The following MYOF variants were observed in gnomAD, a reference collection of about 807,000 sequenced individuals.
MYOF encodes myoferlin.
In MYOF, 244 loss-of-function variants were observed where a neutral mutation model predicts 284.2. The ratio of observed to expected loss-of-function variants is 0.86; its 90% confidence interval spans 0.77 to 0.95. MYOF has a LOEUF of 0.95. MYOF is among the 40% of genes least tolerant of loss of function. MYOF has a pLI of 0.00. For missense variants in MYOF, 2,496 were observed against 2,560.6 expected, an observed-to-expected ratio of 0.97 and a Z score of 0.54; for synonymous variants, 904 against 919.7, an observed-to-expected ratio of 0.98 and a Z score of 0.31.
chr10:93,367,102 C>A (rs1324403471), intron 25 of MYOF, among the ~76,000 whole-genome samples: 1 of 152,164 alleles, frequency 6.6e-6, no homozygotes, highest in African/African-American at 2.4e-5. Flanking sequence ...CTTTAATACC[C>A]AGCCCTTATT....
intron 5 of MYOF, among the ~76,000 whole-genome samples, chr10:93,422,522 C>A (rs758107750): frequency 6.6e-6 from 1 of 152,292 alleles, no homozygotes; most frequent in East Asian, 1.9e-4. Flanking sequence ...TGGGGCCAGG[C>A]GTGGTGGCTC....
At chr10:93,368,157 C>G (rs1845414532) in intron 25 of MYOF, among the ~76,000 whole-genome samples, 1 of 152,152 alleles carries the variant, frequency 6.6e-6, no homozygotes, top group African/African-American at 2.4e-5. Flanking sequence ...CTCTCCTTAC[C>G]TATGCCATGA....
rs937675904 is a variant in MYOF at position 93,349,727 on chromosome 10, C to G, written c.4083+81G>C. On this transcript the variant is annotated intron_variant, in intron 36 of 53. Coordinates refer to ENST00000359263, the MANE Select transcript of MYOF (RefSeq NM_013451.4). ...ATTTGTCAGGTTTTGGAAATAAACT[C>G]TGTGTTTGTGTGTGTGTGTGTGAGG... 15 of 1,469,694 alleles carry G rather than the reference C, an allele frequency of 1.0e-5. No homozygotes were observed. In the Admixed American group the frequency reaches 1.4e-4, roughly 14 times the overall value. The allele number at this position is 1,469,694 out of a possible 1,614,324, so 91.0% of individuals were successfully genotyped here. A position where few individuals can be genotyped will look rare whatever the true frequency, so the allele number is the denominator to read the frequency against.
intron 6 of MYOF, 36 bp downstream of exon 6, chr10:93,409,537 A>G (rs368842923): frequency 1.2e-6 from 2 of 1,602,952 alleles, no homozygotes; most frequent in Non-Finnish European, 1.7e-6. Context: ...CAATATAAAG[A>G]TTAAACAAAG....
In MYOF at chr10:93,374,927, C is replaced by T. The variant is rs1378801121; in HGVS notation, c.2137G>A (p.Ala713Thr). ...TGAGTATCGAGAACTGTGACGTTGG[C>T]TTTTCCTTCTGTGAGAGGCAACGTG... is the stretch of plus-strand genomic sequence containing the variant. ...RYTLPLTEGK[A>T]NVTVLDTQIR... Residue 713 changes from alanine (A) to threonine (T), a missense_variant, in exon 23 of 54, where the codon GCC (alanine) becomes ACC (threonine). Physicochemically the swap from Ala to Thr is moderately conservative, Grantham distance 58. This residue lies in a region of MYOF where 2,436 missense variants were observed against 2,480.7 expected (regional missense o/e 0.98). Transcript: ENST00000359263. 2 of 1,613,566 alleles carry T rather than the reference C, an allele frequency of 1.2e-6. No individual in the cohort carries two copies. The highest frequency in any genetic ancestry group is 2.2e-5 in the South Asian group (2 of 90,874).
chr10:93,411,513 A>G (rs1847899415), intron 5 of MYOF, among the ~76,000 whole-genome samples: 1 of 152,166 alleles, frequency 6.6e-6, no homozygotes, highest in African/African-American at 2.4e-5. Flanking sequence ...GAGGGACACA[A>G]CCATTCAGAC....
chr10:93,365,398 C>A lies in MYOF; in HGVS notation c.2753+994G>T, dbSNP rs569331058. 2.4e-4 allele frequency among the ~76,000 whole-genome samples: 37 copies of A among 152,322 alleles called. 1 individual carries two copies. The highest frequency in any genetic ancestry group is 8.4e-4 in the African/African-American group (35 of 41,566). On this transcript the variant is annotated intron_variant, in intron 26 of 53. Transcript: ENST00000359263. ...GACTCCAGGGGAACCATCTTTACCA[C>A]CTTCTACTGTTTATTTTTTTCTTTC... is the stretch of plus-strand genomic sequence containing the variant.
rs571580617 is a variant in MYOF at position 93,371,387 on chromosome 10, C to A, written c.2457+1543G>T. Among the ~76,000 whole-genome samples, 7 of 152,252 alleles carry A rather than the reference C, an allele frequency of 4.6e-5. No homozygotes were observed. The South Asian group carries it at 1.4e-3, about 31-fold the overall frequency. ...ACTACATATCTATGTGACGCCAGAT[C>A]CTTATCATATACTTCAACCAAATAA... is the stretch of plus-strand genomic sequence containing the variant. On this transcript the variant is annotated intron_variant, in intron 24 of 53. Coordinates refer to ENST00000359263, the MANE Select transcript of MYOF (RefSeq NM_013451.4).
chr10:93,402,168 A>G (rs1847325644), intron 11 of MYOF, 64 bp downstream of exon 11: 4 of 1,330,028 alleles, frequency 3.0e-6, no homozygotes, highest in Admixed American at 3.4e-5. Flanking sequence ...CCATGCCCAC[A>G]TGCTTAACTC....
chr10:93,333,614 A>G, intron 42 of MYOF, 144 bp downstream of exon 42: 1 of 1,143,940 alleles, frequency 8.7e-7, no homozygotes, highest in East Asian at 2.5e-5. Flanking sequence ...CCATGGGGAC[A>G]ATCCTCCTGA....
In MYOF at chr10:93,430,033, C is replaced by A. The variant is rs112644717; in HGVS notation, c.345+1375G>T. Among the ~76,000 whole-genome samples, 635 of 151,268 alleles carry A rather than the reference C, an allele frequency of 4.2e-3. 3 individuals carry two copies. Among genetic ancestry groups the A allele is most frequent in the Middle Eastern group, 0.017 (5 of 292 alleles). ...CACTGCAACCTCGGCCTCCTGGATTCGAGCGATTCTTCTGCCTCAGCCTCC... is the reference window on the plus strand; with the variant it reads ...CACTGCAACCTCGGCCTCCTGGATTAGAGCGATTCTTCTGCCTCAGCCTCC... On this transcript the variant is annotated intron_variant, in intron 4 of 53. Transcript: ENST00000359263.
intron 29 of MYOF, among the ~76,000 whole-genome samples, 196 bp from the exon 30 acceptor site, chr10:93,357,044 A>G (rs1428954026): frequency 1.3e-5 from 2 of 152,246 alleles, no homozygotes; most frequent in Non-Finnish European, 2.9e-5. Flanking sequence ...GATGGACTGC[A>G]GGAGTGCAGA....
chr10:93,319,906 A>T lies in MYOF; in HGVS notation c.5564T>A (p.Leu1855His). The T allele has an allele frequency of 6.2e-7, 1 of 1,614,188 alleles. No individual in the cohort carries two copies. The highest frequency in any genetic ancestry group is 8.5e-7 in the Non-Finnish European group (1 of 1,180,034). ...AACGATACAGAGTTGTTCGGCTGGA[A>T]GGTAGTCAAACGGGAAAACAAATCG... ...NWRFVFPFDY[L>H]PAEQLCIVAK... Residue 1855 changes from leucine to histidine, a missense_variant, in exon 49 of 54, where the codon CTT becomes CAT. This residue lies in a region of MYOF where 2,436 missense variants were observed against 2,480.7 expected (regional missense o/e 0.98). Coordinates refer to ENST00000359263, the MANE Select transcript of MYOF (RefSeq NM_013451.4).
intron 48 of MYOF, among the ~76,000 whole-genome samples, chr10:93,322,536 TTAGGCAAGTAAGAGAATATTGAAC>T (rs1390008925): frequency 1.3e-5 from 2 of 152,260 alleles, no homozygotes; most frequent in Non-Finnish European, 2.9e-5. Flanking sequence ...TTTAATTGAA[TTAGGCAAGTAAGAGAATATTGAAC>T]AACAATGACA....
At chr10:93,321,117 A>ACTAT (rs1478431881) in intron 48 of MYOF, among the ~76,000 whole-genome samples, 1 of 152,186 alleles carries the variant, frequency 6.6e-6, no homozygotes, top group Admixed American at 6.5e-5. Flanking sequence ...CAACTGCGTA[A>ACTAT]CTATCTCCAT....
chr10:93,402,136 CTG>C, intron 11 of MYOF, 94 bp downstream of exon 11: 1 of 895,284 alleles, frequency 1.1e-6, no homozygotes, highest in Non-Finnish European at 1.8e-6. Context: ...TGACGGGAAG[CTG>C]TGCTCCATTT....
chr10:93,397,556 T>C (rs1847081898), intron 13 of MYOF, 100 bp from the exon 14 acceptor site: 1 of 759,434 alleles, frequency 1.3e-6, no homozygotes, highest in Non-Finnish European at 2.0e-6. Context: ...AGTTTACTTA[T>C]ATACTTAGGA....
rs533165869 is a variant in MYOF at position 93,382,574 on chromosome 10, T to C, written c.1699-1178A>G. On this transcript the variant is annotated intron_variant, in intron 19 of 53. Transcript: ENST00000359263. ...AAGATAGGGTCAACGATAACCACAT[T>C]GAGTGCCTATCAGCCTACCAGAAAT... 7.2e-5 allele frequency among the ~76,000 whole-genome samples: 11 copies of C among 152,312 alleles called. No individual in the cohort carries two copies. In the East Asian group the frequency reaches 2.1e-3, roughly 29 times the overall value.
At chr10:93,373,663 A>C (rs191599532) in intron 23 of MYOF, among the ~76,000 whole-genome samples, 265 of 152,284 alleles carry the variant, frequency 1.7e-3, no homozygotes, top group African/African-American at 5.9e-3. Flanking sequence ...TAGAAAATGA[A>C]ATTACCTATA....
Sources: allele counts gnomAD v4.1 joint callset (sites outside exome capture counted in the v4.1 genomes callset), GRCh38; gene constraint gnomAD v4.1.1; regional missense constraint gnomAD v4.1.1; transcripts MANE v1.5; gene names NCBI Gene and HGNC (gene_info 2026-07-23, HGNC 2026-07-21).